The following DPYSL5 variants were observed in gnomAD, a reference collection of about 807,000 sequenced individuals.
DPYSL5 encodes dihydropyrimidinase like 5.
A neutral mutation model predicts 58.4 loss-of-function variants in DPYSL5; 9 were observed. The ratio of observed to expected loss-of-function variants is 0.15; its 90% CI spans 0.09 to 0.27. The LOEUF (loss-of-function observed/expected upper bound fraction) is 0.27. Among genes scored for constraint, DPYSL5 ranks in the 10% least tolerant of loss-of-function variants. The pLI, the probability that DPYSL5 is intolerant of heterozygous loss-of-function variation, is 1.00. For missense variants in DPYSL5, 499 were observed against 770.6 expected (o/e 0.65, Z 4.17); for synonymous variants, 293 against 301.9 (o/e 0.97, Z 0.31).
intron 2 of DPYSL5, among the ~76,000 whole-genome samples, chr2:26,903,082 T>C (rs1664201793): frequency 6.6e-6 from 1 of 151,282 alleles, no homozygotes; most frequent in African/African-American, 2.4e-5. Flanking sequence ...TTTTTTTTTC[T>C]TTTTTGAAAT....
intron 1 of DPYSL5, among the ~76,000 whole-genome samples, chr2:26,857,792 G>GATT (rs1665915518): frequency 6.6e-6 from 1 of 152,150 alleles, no homozygotes; most frequent in African/African-American, 2.4e-5. Flanking sequence ...TTTACAGTTG[G>GATT]ATTATAATGG....
At chr2:26,940,225 C>T in intron 9 of DPYSL5, 53 bp downstream of exon 9, 1 of 1,595,990 alleles carries the variant, frequency 6.3e-7, no homozygotes, top group Non-Finnish European at 8.5e-7. Flanking sequence ...ATCCCCGTTT[C>T]ATCCCCGTTC....
Position 26,925,023 on chromosome 2 carries a change from G to A in DPYSL5, c.398G>A (p.Gly133Glu). ...TGCTGTGATTACGCCCTCCACGTGG[G>A]GATCACCTGGTGGGCACCCAAGGTA... is the stretch of plus-strand genomic sequence containing the variant. The part of the protein sequence containing the change: ...KVCCDYALHV[G>E]ITWWAPKVKA... The change falls in exon 3 of 13, where the codon GGG (glycine) becomes GAG (glutamate). Residue 133 changes from glycine to glutamate, a missense_variant. Gly to Glu is a moderately conservative substitution (Grantham distance 98, BLOSUM62 -2). Around this residue, in one of 3 missense-constraint regions of DPYSL5, gnomAD observed 404 missense variants for 647.6 expected, o/e 0.62. Transcript: ENST00000288699. The surrounding 1 kb of genome is among the most constrained non-coding windows in gnomAD (Gnocchi z 4.5). The A allele has an allele frequency of 6.2e-7, 1 of 1,614,060 alleles. No homozygotes were observed. Among genetic ancestry groups the A allele is most frequent in the Non-Finnish European group, 8.5e-7 (1 of 1,179,984 alleles).
intron 5 of DPYSL5, among the ~76,000 whole-genome samples, chr2:26,931,199 G>A (rs1485655734): frequency 3.2e-3 from 171 of 52,772 alleles, no homozygotes; most frequent in South Asian, 0.014. Flanking sequence ...GTGTGTGTGT[G>A]TGTGTATATA....
At position 26,927,436 on chromosome 2, in the gene DPYSL5, A is replaced by T; in HGVS notation, c.600+4A>T. 1 of 1,613,482 alleles carries T rather than the reference A, an allele frequency of 6.2e-7. No individual in the cohort carries two copies. Among genetic ancestry groups the T allele is most frequent in the Non-Finnish European group, 8.5e-7 (1 of 1,179,706 alleles). ...AAATGGGGAGCTTGTGGCCGAGGCA[A>T]GTCTGCAGCCAAGAATATTGGATGG... On this transcript the variant is annotated splice_donor_region_variant and intron_variant, in intron 4 of 12. Coordinates refer to ENST00000288699, the MANE Select transcript of DPYSL5 (RefSeq NM_020134.4). The surrounding 1 kb of genome is among the most constrained non-coding windows in gnomAD (Gnocchi z 4.3).
intron 1 of DPYSL5, among the ~76,000 whole-genome samples, chr2:26,860,402 G>A (rs987220358): frequency 1.3e-5 from 2 of 152,172 alleles, no homozygotes; most frequent in Non-Finnish European, 2.9e-5. Flanking sequence ...TTGATGTCCT[G>A]TGACAGACAC....
intron 1 of DPYSL5, among the ~76,000 whole-genome samples, chr2:26,866,467 C>T (rs1199993936): frequency 7.1e-6 from 1 of 140,620 alleles, no homozygotes; most frequent in Non-Finnish European, 1.6e-5. Context: ...TCTCATTATG[C>T]AAACACACAC....
chr2:26,882,381 G>A (rs1663591514), intron 1 of DPYSL5, among the ~76,000 whole-genome samples: 1 of 151,870 alleles, frequency 6.6e-6, no homozygotes, highest in Non-Finnish European at 1.5e-5. Flanking sequence ...GACTAGCTGG[G>A]ACTACAGGCG....
chr2:26,942,738 C>A lies in DPYSL5; in HGVS notation c.1428C>A (p.Val476=), dbSNP rs771283054. The A allele has an allele frequency of 1.2e-6, 2 of 1,613,698 alleles. No individual in the cohort carries two copies. The highest frequency in any genetic ancestry group is 1.3e-5 in the African/African-American group (1 of 74,928). Residue 476 remains valine, a synonymous_variant, in exon 11 of 13, where the codon GTC becomes GTA. Coordinates refer to ENST00000288699, the MANE Select transcript of DPYSL5 (RefSeq NM_020134.4). The surrounding 1 kb of genome is among the most constrained non-coding windows in gnomAD (Gnocchi z 5.9). ...CAGACACTGTCTACAAGAAGCTGGT[C>A]CAGAGAGAGAAGGTGAGGTGGGAGG... The part of the protein sequence containing the change: ...SFPDTVYKKL[V]QREKTLKVRG...
chr2:26,889,108 C>T (rs779973072), intron 1 of DPYSL5, among the ~76,000 whole-genome samples: 3 of 152,076 alleles, frequency 2.0e-5, no homozygotes, highest in South Asian at 2.1e-4. Flanking sequence ...GATTAGGCTT[C>T]GACATATGAA....
chr2:26,925,049 A>G lies in DPYSL5; in HGVS notation c.420+4A>G. 6.2e-7 allele frequency: 1 copy of G among 1,613,778 alleles called. No individual in the cohort carries two copies. The highest frequency in any genetic ancestry group is 8.5e-7 in the Non-Finnish European group (1 of 1,179,844). On this transcript the variant is annotated splice_donor_region_variant and intron_variant, in intron 3 of 12. Coordinates refer to ENST00000288699, the MANE Select transcript of DPYSL5 (RefSeq NM_020134.4). This position sits in a 1 kb window ranked among gnomAD's most constrained non-coding sequence, Gnocchi z 4.5. Reference sequence around the variant, plus strand: ...GATCACCTGGTGGGCACCCAAGGTAACAGTGCTGGTGGGATCCCAGAAGAA... The same window carrying G: ...GATCACCTGGTGGGCACCCAAGGTAGCAGTGCTGGTGGGATCCCAGAAGAA...
chr2:26,895,096 G>A (rs1184075598), intron 1 of DPYSL5, among the ~76,000 whole-genome samples: 1 of 152,210 alleles, frequency 6.6e-6, no homozygotes, highest in Non-Finnish European at 1.5e-5. Flanking sequence ...TCAAAAATCA[G>A]TTGACCATAG....
In DPYSL5 at chr2:26,924,706, G is replaced by A. The variant is rs779068896; in HGVS notation, c.262-181G>A. On this transcript the variant is annotated intron_variant, in intron 2 of 12. Coordinates refer to ENST00000288699, the MANE Select transcript of DPYSL5 (RefSeq NM_020134.4). The surrounding 1 kb of genome is among the most constrained non-coding windows in gnomAD (Gnocchi z 4.7). ...GACCCGTGGTCATGATGAAGGTCGC[G>A]CTGGCTCTCGCACCTCCACATGGCT... Among the ~76,000 whole-genome samples, 27 of 152,126 alleles carry A rather than the reference G, an allele frequency of 1.8e-4. No individual in the cohort carries two copies. Among genetic ancestry groups the A allele is most frequent in the South Asian group, 4.2e-4 (2 of 4,814 alleles).
chr2:26,913,166 C>T (rs979213698), intron 2 of DPYSL5, among the ~76,000 whole-genome samples: 7 of 152,214 alleles, frequency 4.6e-5, no homozygotes, highest in African/African-American at 1.7e-4. Flanking sequence ...TGTTGTGCAA[C>T]CATCACCACT....
chr2:26,928,208 G>A lies in DPYSL5; in HGVS notation c.601-47G>A, dbSNP rs75002276. ...CCTTGGGTTCAGTATTTTCTTACAC[G>A]GTGTCTCTGTGATTCTCTCCATTTT... On this transcript the variant is annotated intron_variant, in intron 4 of 12. Coordinates refer to ENST00000288699, the MANE Select transcript of DPYSL5 (RefSeq NM_020134.4). 1.8e-3 allele frequency: 2,905 copies of A among 1,589,508 alleles called. 57 individuals are homozygous for A. The African/African-American group carries it at 0.034, about 19-fold the overall frequency.
intron 1 of DPYSL5, among the ~76,000 whole-genome samples, chr2:26,862,034 G>A (rs1043142740): frequency 6.6e-6 from 1 of 152,060 alleles, no homozygotes; most frequent in Admixed American, 6.6e-5. Context: ...ATGTGGAAAT[G>A]AATTCTGCCA....
At chr2:26,870,130 G>T (rs1012938172) in intron 1 of DPYSL5, among the ~76,000 whole-genome samples, 3 of 152,202 alleles carry the variant, frequency 2.0e-5, no homozygotes, top group African/African-American at 7.2e-5. Flanking sequence ...GAGGTCAGGG[G>T]AGGCATCCAT....
Position 26,922,534 on chromosome 2 carries a change from T to C in DPYSL5, c.262-2353T>C, listed in dbSNP as rs145029993. Among the ~76,000 whole-genome samples, 10 of 152,326 alleles carry C rather than the reference T, an allele frequency of 6.6e-5. 1 individual carries two copies. The highest frequency in any genetic ancestry group is 2.4e-4 in the African/African-American group (10 of 41,584). On this transcript the variant is annotated intron_variant, in intron 2 of 12. Coordinates refer to ENST00000288699, the MANE Select transcript of DPYSL5 (RefSeq NM_020134.4). ...TCTCCTCTTGCCCTGGGACCCACAGTATGAGGACTGGTCCTGGCTCTTTTA... is the reference window on the plus strand; with the variant it reads ...TCTCCTCTTGCCCTGGGACCCACAGCATGAGGACTGGTCCTGGCTCTTTTA...
chr2:26,868,591 C>A (rs548419168), intron 1 of DPYSL5, among the ~76,000 whole-genome samples: 2 of 152,312 alleles, frequency 1.3e-5, no homozygotes, highest in African/African-American at 4.8e-5. Flanking sequence ...TTGCATAAGT[C>A]ATTTTCCCCA....
Sources: gnomAD v4.1 joint callset for allele counts (sites outside exome capture counted in the v4.1 genomes callset) on GRCh38, gnomAD v4.1.1 for gene constraint, gnomAD v4.1.1 regional missense constraint, Gnocchi (gnomAD v3.1) non-coding constraint, MANE v1.5 for transcripts, NCBI Gene and HGNC (gene_info 2026-07-23, HGNC 2026-07-21) for gene names.